Variants in EPC1 observed in about 807,000 individuals in gnomAD.
EPC1 encodes enhancer of polycomb 1, also known as enhancer of polycomb homolog 1.
EPC1 carries 12 observed loss-of-function variants against 98.4 expected under a neutral mutation model. The ratio of observed to expected loss-of-function variants is 0.12; its 90% CI spans 0.08 to 0.20. The LOEUF is 0.20. Among genes scored for constraint, EPC1 ranks in the 10% least tolerant of loss-of-function variants. The probability of loss-of-function intolerance (pLI) is 1.00; values close to 1 mark genes in which losing one functional copy is unlikely to be tolerated. For synonymous variants in EPC1, 357 were observed against 363.9 expected, an observed-to-expected ratio of 0.98 and a Z score of 0.21; for missense variants, 729 against 990.5, an observed-to-expected ratio of 0.74 and a Z score of 3.54.
intron 10 of EPC1, 111 bp from the exon 11 acceptor site, chr10:32,273,392 C>A: frequency 7.4e-7 from 1 of 1,345,234 alleles, no homozygotes; most frequent in Non-Finnish European, 1.0e-6. Context: ...AAGCATCTGA[C>A]AAAGGATCAT....
intron 2 of EPC1, among the ~76,000 whole-genome samples, chr10:32,296,283 A>T (rs1451226016): frequency 6.6e-6 from 1 of 152,160 alleles, no homozygotes; most frequent in African/African-American, 2.4e-5. Context: ...TCTCATTTAT[A>T]CACTACAGTT....
At chr10:32,373,749 A>T (rs1024150067) in intron 1 of EPC1, among the ~76,000 whole-genome samples, 17 of 152,208 alleles carry the variant, frequency 1.1e-4, no homozygotes, top group Admixed American at 1.0e-3. Context: ...GAGGAAAGAC[A>T]TTGCTGATGT....
intron 1 of EPC1, among the ~76,000 whole-genome samples, chr10:32,336,509 C>T (rs1378377128): frequency 1.3e-5 from 2 of 152,152 alleles, no homozygotes; most frequent in African/African-American, 4.8e-5. Flanking sequence ...TGACTGGTCT[C>T]ACTTTAAATG....
At chr10:32,377,299 G>A (rs1839889851) in intron 1 of EPC1, 1 of 152,140 alleles carries the variant, frequency 6.6e-6, no homozygotes, top group Admixed American at 6.6e-5. Context: ...ACTTAGAATA[G>A]TTATTTAAGA....
intron 1 of EPC1, among the ~76,000 whole-genome samples, chr10:32,335,322 CCTGA>C (rs1025612477): frequency 5.3e-5 from 8 of 152,150 alleles, no homozygotes; most frequent in African/African-American, 9.7e-5. Context: ...TTCCACCCTT[CCTGA>C]CTGTCTCAAA....
chr10:32,271,512 G>A (rs1835841658), intron 13 of EPC1, 42 bp downstream of exon 13: 8 of 1,586,254 alleles, frequency 5.0e-6, no homozygotes, highest in Non-Finnish European at 6.9e-6. Context: ...ACTGAAGTTA[G>A]ATCTCTTATT....
intron 1 of EPC1, among the ~76,000 whole-genome samples, chr10:32,352,407 T>C (rs1839141600): frequency 6.6e-6 from 1 of 152,020 alleles, no homozygotes; most frequent in African/African-American, 2.4e-5. Context: ...TCTACCGAAA[T>C]CCTATTTCAC....
chr10:32,367,648 T>C (rs1032884389), intron 1 of EPC1, among the ~76,000 whole-genome samples: 1 of 152,210 alleles, frequency 6.6e-6, no homozygotes, highest in African/African-American at 2.4e-5. Flanking sequence ...AACAAATGTA[T>C]TTTTAAAAAT....
upstream of EPC1, among the ~76,000 whole-genome samples, chr10:32,348,708 A>G (rs1052355533): frequency 6.6e-6 from 1 of 152,198 alleles, no homozygotes; most frequent in Non-Finnish European, 1.5e-5. Context: ...TTGAGCCCTC[A>G]TAGCCTTCCA....
At chr10:32,270,006 C>CA (rs1835760809) in intron 13 of EPC1, among the ~76,000 whole-genome samples, 2 of 152,194 alleles carry the variant, frequency 1.3e-5, no homozygotes, top group South Asian at 4.1e-4. Context: ...TGAGCCTATA[C>CA]AAAAACCAGT....
chr10:32,334,014 T>C (rs538551122), intron 1 of EPC1, among the ~76,000 whole-genome samples: 28 of 152,158 alleles, frequency 1.8e-4, no homozygotes, highest in Non-Finnish European at 3.7e-4. Context: ...AACTAGTCAG[T>C]TGCAAACAAA....
At chr10:32,316,083 C>T (rs1836532087) in intron 1 of EPC1, among the ~76,000 whole-genome samples, 1 of 152,182 alleles carries the variant, frequency 6.6e-6, no homozygotes, top group African/African-American at 2.4e-5. Context: ...AATCAGCCTG[C>T]TCCCTCACCT....
intron 1 of EPC1, among the ~76,000 whole-genome samples, chr10:32,362,581 C>T (rs1300314660): frequency 1.3e-5 from 2 of 152,194 alleles, no homozygotes; most frequent in Non-Finnish European, 2.9e-5. Context: ...CATCGTGCCT[C>T]CCATAAAGCG....
rs1377310797 is a variant in EPC1 at position 32,284,943 on chromosome 10, G to T, written c.1499C>A (p.Thr500Asn). The T allele has an allele frequency of 6.2e-7, 1 of 1,614,114 alleles. No individual in the cohort carries two copies. The change falls in exon 10 of 14, where the codon ACC (threonine) becomes AAC (asparagine). Residue 500 changes from threonine (T) to asparagine (N), a missense_variant. By Grantham distance (65) the Thr-to-Asn change is moderately conservative. Around this residue, in one of 6 missense-constraint regions of EPC1, gnomAD observed 390 missense variants for 438.6 expected, o/e 0.89. Transcript: ENST00000319778. ...QHSPVNQFAN[T>N]SETNTSDKSF... Reference sequence around the variant, plus strand: ...TTTGTCCGAGGTATTTGTTTCTGAGGTATTGGCAAACTGATTGACTGGAGA... The same window carrying T: ...TTTGTCCGAGGTATTTGTTTCTGAGTTATTGGCAAACTGATTGACTGGAGA...
Position 32,305,809 on chromosome 10 carries a change from C to A in EPC1, c.276G>T (p.Gly92=). The A allele has an allele frequency of 6.2e-7, 1 of 1,606,730 alleles. No individual in the cohort carries two copies. Among genetic ancestry groups the A allele is most frequent in the South Asian group, 1.1e-5 (1 of 89,662 alleles). Residue 92 remains glycine, a synonymous_variant, in exon 2 of 14, where the codon GGG becomes GGT. Coordinates refer to ENST00000319778, the MANE Select transcript of EPC1 (RefSeq NM_001272004.3). ...NIAYYESIYP[G]EFKMPKQLIH... ...TGAGCTGCTTTGGCATCTTAAATTC[C>A]CCAGGATATATAGACTCATAGTAAG...
intron 9 of EPC1, 135 bp downstream of exon 9, chr10:32,286,559 T>C: frequency 9.5e-7 from 1 of 1,048,816 alleles, no homozygotes. Flanking sequence ...CAAAAATATT[T>C]TAGTCAACAG....
At chr10:32,321,651 A>G (rs1836928343) in intron 1 of EPC1, among the ~76,000 whole-genome samples, 1 of 152,132 alleles carries the variant, frequency 6.6e-6, no homozygotes, top group South Asian at 2.1e-4. Context: ...AGTAAAAAAA[A>G]AAACCGTATC....
intron 1 of EPC1, among the ~76,000 whole-genome samples, chr10:32,363,848 A>G (rs1170144832): frequency 6.6e-6 from 1 of 152,054 alleles, no homozygotes; most frequent in Admixed American, 6.6e-5. Flanking sequence ...GAAAAGCAAT[A>G]GCTCTTCAGC....
chr10:32,305,044 A>G (rs2132815431), intron 2 of EPC1, among the ~76,000 whole-genome samples: 1 of 152,366 alleles, frequency 6.6e-6, no homozygotes, highest in Non-Finnish European at 1.5e-5. Flanking sequence ...TAAGTTGTTA[A>G]TTAATTGGAG....
Sources: allele counts gnomAD v4.1 joint callset (sites outside exome capture counted in the v4.1 genomes callset), GRCh38; gene constraint gnomAD v4.1.1; regional missense constraint gnomAD v4.1.1; transcripts MANE v1.5; gene names NCBI Gene and HGNC (gene_info 2026-07-23, HGNC 2026-07-21).